The following RAB5C variants were observed in gnomAD, a reference collection of about 807,000 sequenced individuals.
RAB5C encodes the protein RAB5C, member RAS oncogene family.
A neutral mutation model predicts 25.2 loss-of-function variants in RAB5C; 4 were observed. The observed-to-expected ratio is 0.16, with a 90% CI of 0.08 to 0.36. The LOEUF (loss-of-function observed/expected upper bound fraction) is 0.36, where lower values mean the gene tolerates loss of function less well. Ranked by LOEUF, RAB5C falls within the 10% of genes least tolerant of loss-of-function variation. The pLI, the probability that RAB5C is intolerant of heterozygous loss-of-function variation, is 1.00. For missense variants in RAB5C, 199 were observed against 283.8 expected, an observed-to-expected ratio of 0.70 and a Z score of 2.15; for synonymous variants, 100 against 106.4, an observed-to-expected ratio of 0.94 and a Z score of 0.37.
At chr17:42,141,106 G>C (rs1488504436) in intron 1 of RAB5C, among the ~76,000 whole-genome samples, 2 of 152,210 alleles carry the variant, frequency 1.3e-5, no homozygotes, top group African/African-American at 4.8e-5. Context: ...TGCGATTACA[G>C]GCATGAGCCA....
At chr17:42,142,592 C>T (rs548405330) in intron 1 of RAB5C, among the ~76,000 whole-genome samples, 3 of 152,318 alleles carry the variant, frequency 2.0e-5, no homozygotes, top group East Asian at 1.9e-4. Context: ...AGGCCACCCA[C>T]GCCCTCCTCC....
chr17:42,147,259 G>A (rs559735566), intron 1 of RAB5C, among the ~76,000 whole-genome samples: 3 of 152,128 alleles, frequency 2.0e-5, no homozygotes, highest in Non-Finnish European at 4.4e-5. Flanking sequence ...CCCATCTGTG[G>A]AATACACATG....
chr17:42,139,392 C>G (rs149598049), intron 1 of RAB5C, among the ~76,000 whole-genome samples: 64 of 152,384 alleles, frequency 4.2e-4, no homozygotes, highest in Non-Finnish European at 7.6e-4. Context: ...GGCCCTAACG[C>G]TGACATTCCT....
intron 1 of RAB5C, among the ~76,000 whole-genome samples, 186 bp from the exon 2 acceptor site, chr17:42,130,776 G>A (rs1480127679): frequency 2.0e-5 from 3 of 150,982 alleles, no homozygotes; most frequent in Admixed American, 6.6e-5. Context: ...GATGTCTACC[G>A]GCTCTACCAC....
chr17:42,147,136 A>AAGAAAC (rs1356992874), intron 1 of RAB5C, among the ~76,000 whole-genome samples: 1 of 124,638 alleles, frequency 8.0e-6, no homozygotes, highest in African/African-American at 4.7e-5. Context: ...GAAAGAAAGA[A>AAGAAAC]AGAAAGAAAG....
intron 1 of RAB5C, among the ~76,000 whole-genome samples, chr17:42,142,262 T>C (rs7219220): frequency 0.36 from 54,195 of 151,448 alleles, 13,139 homozygotes; most frequent in African/African-American, 0.69. Flanking sequence ...CTCAAACTCC[T>C]GCGCTCAAGC....
chr17:42,137,135 G>A (rs372820630), intron 1 of RAB5C, among the ~76,000 whole-genome samples: 47 of 151,924 alleles, frequency 3.1e-4, no homozygotes, highest in African/African-American at 1.1e-3. Flanking sequence ...GTGAAACCCC[G>A]ACTGTACTAA....
Position 42,125,739 on chromosome 17 carries a change from C to T in RAB5C, c.*44G>A. 1 of 1,408,574 alleles carries T rather than the reference C, an allele frequency of 7.1e-7. No individual in the cohort carries two copies. The highest frequency in any genetic ancestry group is 9.8e-7 in the Non-Finnish European group (1 of 1,022,564). 87.3% of individuals were successfully genotyped at this position (1,408,574 alleles called of 1,614,324 possible). A position where few individuals can be genotyped will look rare whatever the true frequency, so the allele number is the denominator to read the frequency against. ...TGGTTAGAGTGGATTCCAGTCGGGT[C>T]ATTCAGGCGGAGGAGGCGGGGGCAG... On this transcript the variant is annotated 3_prime_UTR_variant, in exon 6 of 6. Transcript: ENST00000346213.
chr17:42,153,113 C>T (rs1003153427), intron 1 of RAB5C, among the ~76,000 whole-genome samples: 1 of 152,084 alleles, frequency 6.6e-6, no homozygotes, highest in African/African-American at 2.4e-5. Flanking sequence ...TTCTGTTGTC[C>T]GATAAAAAGT....
At chr17:42,150,624 G>T (rs1045515591) in intron 1 of RAB5C, among the ~76,000 whole-genome samples, 7 of 141,398 alleles carry the variant, frequency 5.0e-5, no homozygotes, top group African/African-American at 1.8e-4. Context: ...CTGGGAGGCC[G>T]ATGAGGCGGG....
At chr17:42,127,640 C>A (rs2054440221) in intron 4 of RAB5C, among the ~76,000 whole-genome samples, 1 of 151,266 alleles carries the variant, frequency 6.6e-6, no homozygotes, top group South Asian at 2.1e-4. Flanking sequence ...ATCTCCTGGC[C>A]TCTAATGATC....
Position 42,125,758 on chromosome 17 carries a change from G to C in RAB5C, c.*25C>G, listed in dbSNP as rs1555668608. ...TCGGGTCATTCAGGCGGAGGAGGCG[G>C]GGGCAGCGGGCAGGCAAGGGGGGCT... On this transcript the variant is annotated 3_prime_UTR_variant, in exon 6 of 6. Transcript: ENST00000346213. 6.5e-7 allele frequency: 1 copy of C among 1,530,560 alleles called. No homozygotes were observed. The highest frequency in any genetic ancestry group is 8.9e-7 in the Non-Finnish European group (1 of 1,124,552). 94.8% of individuals were successfully genotyped at this position (1,530,560 alleles called of 1,614,324 possible). A position where few individuals can be genotyped will look rare whatever the true frequency, so the allele number is the denominator to read the frequency against.
chr17:42,153,927 C>A (rs538294133), intron 1 of RAB5C, among the ~76,000 whole-genome samples: 1 of 152,098 alleles, frequency 6.6e-6, no homozygotes, highest in African/African-American at 2.4e-5. Flanking sequence ...GCAGACAGAC[C>A]CTGGCGTGGT....
At chr17:42,138,722 C>G (rs1212750651) in intron 1 of RAB5C, among the ~76,000 whole-genome samples, 2 of 152,198 alleles carry the variant, frequency 1.3e-5, no homozygotes, top group African/African-American at 2.4e-5. Context: ...GACACCAACT[C>G]CACCAATACC....
At chr17:42,132,015 C>T (rs1354751071) in intron 1 of RAB5C, among the ~76,000 whole-genome samples, 1 of 152,092 alleles carries the variant, frequency 6.6e-6, no homozygotes, top group Non-Finnish European at 1.5e-5. Flanking sequence ...GTCTAAGATC[C>T]CAGGGAGAGC....
intron 1 of RAB5C, among the ~76,000 whole-genome samples, chr17:42,136,888 A>G (rs2054541924): frequency 6.6e-6 from 1 of 152,242 alleles, no homozygotes; most frequent in Admixed American, 6.5e-5. Flanking sequence ...AAAACCCCAG[A>G]ATATTAACAA....
intron 1 of RAB5C, among the ~76,000 whole-genome samples, chr17:42,132,995 A>C (rs2054501417): frequency 2.0e-5 from 3 of 152,154 alleles, no homozygotes; most frequent in Admixed American, 1.3e-4. Flanking sequence ...TGTTTGGTTT[A>C]GGGCTGCTAG....
intron 5 of RAB5C, 118 bp downstream of exon 5, chr17:42,126,637 A>AAT: frequency 5.1e-6 from 2 of 392,250 alleles, no homozygotes. Flanking sequence ...ATCTCAAAAA[A>AAT]AAAAAAAAAA....
chr17:42,137,448 T>C (rs2054548822), intron 1 of RAB5C, among the ~76,000 whole-genome samples: 1 of 152,036 alleles, frequency 6.6e-6, no homozygotes, highest in Non-Finnish European at 1.5e-5. Flanking sequence ...ATAAGTCACA[T>C]GTCAATAAAA....
Sources: allele counts gnomAD v4.1 joint callset (sites outside exome capture counted in the v4.1 genomes callset), GRCh38; gene constraint gnomAD v4.1.1; transcripts MANE v1.5; gene names NCBI Gene and HGNC (gene_info 2026-07-23, HGNC 2026-07-21).